PCDHA3: variants seen among roughly 807,000 people sequenced by gnomAD.
The protein encoded by PCDHA3 is protocadherin alpha-3.
A neutral mutation model predicts 62.2 loss-of-function variants in PCDHA3; 41 were observed. That is an observed-to-expected ratio of 0.66 (90% CI 0.51 to 0.86). The LOEUF (loss-of-function observed/expected upper bound fraction) is 0.86, where lower values mean the gene tolerates loss of function less well. PCDHA3 is among the 40% of genes least tolerant of loss of function. PCDHA3 has a pLI of 0.00. For synonymous variants in PCDHA3, 640 were observed against 555.4 expected, an observed-to-expected ratio of 1.15 and a Z score of -2.14; for missense variants, 1,304 against 1,241.2, an observed-to-expected ratio of 1.05 and a Z score of -0.76.
At chr5:140,830,165 G>T (rs781932240) in intron 1 of PCDHA3, 1 of 1,613,446 alleles carries the variant, frequency 6.2e-7, no homozygotes, top group Non-Finnish European at 8.5e-7. Flanking sequence ...CCCAGAGGCG[G>T]CGCTGGTGGA....
rs781872854 is a variant in PCDHA3 at position 140,856,136 on chromosome 5, C to T, written c.2394+52545C>T. On this transcript the variant is annotated intron_variant, in intron 1 of 3. Coordinates refer to ENST00000522353, the MANE Select transcript of PCDHA3 (RefSeq NM_018906.3). ...AGCCTGGGAGGTGGGGAGCGGCCAGCTCCACTACTCAGTCTACGAGGAGGC... is the reference window on the plus strand; with the variant it reads ...AGCCTGGGAGGTGGGGAGCGGCCAGTTCCACTACTCAGTCTACGAGGAGGC... 28 of 1,598,232 alleles carry T rather than the reference C, an allele frequency of 1.8e-5. 1 individual carries two copies. Among genetic ancestry groups the T allele is most frequent in the Non-Finnish European group, 2.4e-5 (28 of 1,167,860 alleles).
intron 1 of PCDHA3, chr5:140,852,618 T>A (rs1455728241): frequency 1.1e-6 from 1 of 941,332 alleles, no homozygotes; most frequent in Admixed American, 6.4e-5. Context: ...AAAACTTGAG[T>A]GGTCTCTGAG....
chr5:140,904,619 T>C (rs1554191627), intron 1 of PCDHA3, among the ~76,000 whole-genome samples: 1 of 152,126 alleles, frequency 6.6e-6, no homozygotes, highest in African/African-American at 2.4e-5. Context: ...GTTTTACTTT[T>C]AGTTCTTTAA....
intron 1 of PCDHA3, chr5:140,809,676 A>G: frequency 7.2e-7 from 1 of 1,388,146 alleles, no homozygotes; most frequent in Non-Finnish European, 9.7e-7. Context: ...TTAAAATTTT[A>G]CCTCTTTTTA....
intron 1 of PCDHA3, among the ~76,000 whole-genome samples, chr5:140,920,387 A>C (rs1163833842): frequency 6.6e-6 from 1 of 152,216 alleles, no homozygotes; most frequent in East Asian, 1.9e-4. Flanking sequence ...TCATATTACC[A>C]TCTGGTGTCT....
chr5:140,817,932 G>A (rs2150099646), intron 1 of PCDHA3, among the ~76,000 whole-genome samples: 2 of 152,206 alleles, frequency 1.3e-5, no homozygotes, highest in South Asian at 4.2e-4. Flanking sequence ...TGAGATGATG[G>A]CTGTCAAGTT....
chr5:140,842,822 G>T (rs2150345251), intron 1 of PCDHA3: 1 of 1,593,810 alleles, frequency 6.3e-7, no homozygotes. Context: ...GCGGGTGGGC[G>T]AGCGCTCGCT....
At chr5:140,809,406 T>G (rs782496896) in intron 1 of PCDHA3, 1 of 1,614,160 alleles carries the variant, frequency 6.2e-7, no homozygotes, top group East Asian at 2.2e-5. Context: ...CCCACGCTGG[T>G]GTGCTCCAGT....
chr5:140,858,074 A>T (rs782716439), intron 1 of PCDHA3: 3 of 1,597,640 alleles, frequency 1.9e-6, no homozygotes, highest in Middle Eastern at 1.7e-4. Context: ...CCAGGCACCC[A>T]AGGCCTCGTC....
chr5:140,936,820 T>C (rs2091164037), intron 1 of PCDHA3, among the ~76,000 whole-genome samples: 1 of 152,236 alleles, frequency 6.6e-6, no homozygotes, highest in Non-Finnish European at 1.5e-5. Flanking sequence ...TTTTTGGCCC[T>C]TTGCATTTCT....
intron 1 of PCDHA3, chr5:140,834,797 GA>G (rs2150227028): frequency 1.2e-6 from 2 of 1,613,022 alleles, no homozygotes; most frequent in South Asian, 2.2e-5. Flanking sequence ...CGACACAAAG[GA>G]ATCTGTTCAT....
chr5:140,966,705 G>A, intron 1 of PCDHA3: 1 of 1,379,198 alleles, frequency 7.3e-7, no homozygotes, highest in Non-Finnish European at 9.3e-7. Context: ...CGGGCGTGGG[G>A]CACGGCTGGG....
chr5:140,958,775 A>C (rs1179723793), intron 1 of PCDHA3, among the ~76,000 whole-genome samples: 1 of 152,170 alleles, frequency 6.6e-6, no homozygotes, highest in African/African-American at 2.4e-5. Flanking sequence ...GTTTGAAATC[A>C]ACTTTCTATT....
chr5:140,827,775 G>A (rs1350103739), intron 1 of PCDHA3, among the ~76,000 whole-genome samples: 1 of 152,106 alleles, frequency 6.6e-6, no homozygotes, highest in Non-Finnish European at 1.5e-5. Flanking sequence ...AAAGAAGTCG[G>A]GATAACACTG....
intron 1 of PCDHA3, among the ~76,000 whole-genome samples, chr5:140,954,551 T>C (rs2095055563): frequency 6.6e-6 from 1 of 152,250 alleles, no homozygotes; most frequent in South Asian, 2.1e-4. Context: ...ATATGTTTGT[T>C]GGCTGCATGA....
chr5:140,818,184 T>G (rs1256179739), intron 1 of PCDHA3, among the ~76,000 whole-genome samples: 2 of 152,254 alleles, frequency 1.3e-5, no homozygotes, highest in Admixed American at 6.5e-5. Flanking sequence ...TATTCTTCTG[T>G]GACTATAAGT....
chr5:140,887,004 C>T (rs1341039143), intron 1 of PCDHA3, among the ~76,000 whole-genome samples: 1 of 152,066 alleles, frequency 6.6e-6, no homozygotes, highest in African/African-American at 2.4e-5. Flanking sequence ...GTTGGTATCA[C>T]TTTCCTACTG....
chr5:140,871,476 G>A (rs1437006996), intron 1 of PCDHA3: 1 of 1,598,568 alleles, frequency 6.3e-7, no homozygotes, highest in Admixed American at 1.7e-5. Flanking sequence ...AGGAGCCAGG[G>A]TCAAATCACC....
At chr5:140,925,187 C>T (rs2082372782) in intron 1 of PCDHA3, among the ~76,000 whole-genome samples, 1 of 152,134 alleles carries the variant, frequency 6.6e-6, no homozygotes, top group Admixed American at 6.5e-5. Flanking sequence ...TGTACCATCA[C>T]CCAGCTTCAA....
Sources: gnomAD v4.1 joint callset for allele counts (sites outside exome capture counted in the v4.1 genomes callset) on GRCh38, gnomAD v4.1.1 for gene constraint, MANE v1.5 for transcripts, NCBI Gene and HGNC (gene_info 2026-07-23, HGNC 2026-07-21) for gene names.